Variants in ADAM20 observed in about 807,000 individuals in gnomAD.
ADAM20 encodes the protein ADAM metallopeptidase domain 20, also known as disintegrin and metalloproteinase domain-containing protein 20.
For synonymous variants in ADAM20, 305 were observed against 310.2 expected (o/e 0.98, Z 0.18); for missense variants, 871 against 883.2 (o/e 0.99, Z 0.18).
At chr14:70,563,257 G>C in the ADAM20 span, among the ~76,000 whole-genome samples, 1 of 152,000 alleles carries the variant, frequency 6.6e-6, no homozygotes, top group Non-Finnish European at 1.5e-5. Context: ...CTCACGACTG[G>C]AGTACACAGA....
the ADAM20 span, among the ~76,000 whole-genome samples, chr14:70,574,342 T>A: frequency 5.3e-5 from 8 of 152,208 alleles, no homozygotes; most frequent in African/African-American, 1.9e-4. Context: ...TATAGCAATA[T>A]ATGCTACATT....
rs1372155455 is a variant in ADAM20, at chr14:70,523,540, T to C, written c.1218A>G (p.Arg406=). 9 of 1,613,978 alleles carry C rather than the reference T, an allele frequency of 5.6e-6. No individual in the cohort carries two copies. The East Asian group carries it at 2.0e-4, about 36-fold the overall frequency. The change falls in exon 2 of 2, where the codon AGA becomes AGG. Residue 406 remains arginine, a synonymous_variant. Coordinates refer to ENST00000256389, the MANE Select transcript of ADAM20 (RefSeq NM_003814.5). ...CCACTAGATTCCCACAGTACTTCAG[T>C]CTAAATATATTCCCTGGATATGGAG... ...QPPPYPGNIF[R]LKYCGNLVVE...
the ADAM20 span, among the ~76,000 whole-genome samples, chr14:70,559,278 G>GA: frequency 1.6e-3 from 214 of 133,220 alleles, 1 homozygote; most frequent in East Asian, 0.02. Flanking sequence ...AAGTTGCCTA[G>GA]AAAAAAAAAA....
At chr14:70,555,368 A>G in the ADAM20 span, among the ~76,000 whole-genome samples, 1 of 152,234 alleles carries the variant, frequency 6.6e-6, no homozygotes, top group African/African-American at 2.4e-5. Context: ...TGTATATCAA[A>G]TCATCAAGTT....
intron 1 of ADAM20, among the ~76,000 whole-genome samples, chr14:70,533,581 C>T (rs1203298113): frequency 6.6e-6 from 1 of 152,018 alleles, no homozygotes; most frequent in Non-Finnish European, 1.5e-5. Context: ...AGAAGAACAT[C>T]ACACACCAAT....
At chr14:70,571,639 A>C in the ADAM20 span, among the ~76,000 whole-genome samples, 1 of 152,244 alleles carries the variant, frequency 6.6e-6, no homozygotes, top group South Asian at 2.1e-4. Context: ...TAGCTGGAGC[A>C]ATCAGACAAG....
chr14:70,542,961 G>C, the ADAM20 span, among the ~76,000 whole-genome samples: 1 of 151,490 alleles, frequency 6.6e-6, no homozygotes, highest in Non-Finnish European at 1.5e-5. Context: ...AGAGGCCTAT[G>C]TAACAAATAA....
chr14:70,553,175 GGGA>G, the ADAM20 span, among the ~76,000 whole-genome samples: 1 of 57,356 alleles, frequency 1.7e-5, no homozygotes, highest in Admixed American at 2.1e-4. Flanking sequence ...CGGGGGAGGG[GGGA>G]GGGATAGCAT....
intron 1 of ADAM20, among the ~76,000 whole-genome samples, chr14:70,534,436 T>C (rs1883787293): frequency 6.6e-6 from 1 of 151,822 alleles, no homozygotes; most frequent in Non-Finnish European, 1.5e-5. Flanking sequence ...TTATTTACAA[T>C]AACCAAAAGG....
the ADAM20 span, among the ~76,000 whole-genome samples, chr14:70,563,585 G>T: frequency 1.1e-4 from 16 of 152,298 alleles, no homozygotes; most frequent in Non-Finnish European, 1.6e-4. Context: ...AATCCCCAGC[G>T]TTGGAGGTGG....
At chr14:70,540,950 G>A in the ADAM20 span, among the ~76,000 whole-genome samples, 12 of 152,042 alleles carry the variant, frequency 7.9e-5, no homozygotes, top group South Asian at 6.2e-4. Flanking sequence ...ATGCCACCAC[G>A]CCCAGCTAAT....
chr14:70,554,713 C>T, the ADAM20 span, among the ~76,000 whole-genome samples: 1 of 152,192 alleles, frequency 6.6e-6, no homozygotes, highest in East Asian at 1.9e-4. Context: ...CTCACAGAAG[C>T]AGAGAATAGA....
upstream of ADAM20, among the ~76,000 whole-genome samples, chr14:70,537,214 G>A (rs573455751): frequency 3.3e-4 from 50 of 152,226 alleles, no homozygotes; most frequent in Non-Finnish European, 6.3e-4. Context: ...CAATTTGCAT[G>A]AGGAGGACAA....
the ADAM20 span, among the ~76,000 whole-genome samples, chr14:70,577,035 T>A: frequency 5.9e-5 from 9 of 152,140 alleles, no homozygotes; most frequent in African/African-American, 2.2e-4. Context: ...AGAACAAGCA[T>A]TCAAACACAT....
Position 70,523,758 on chromosome 14 carries a change from C to T in ADAM20, c.1000G>A (p.Val334Ile). The change falls in exon 2 of 2, where the codon GTC becomes ATC. Residue 334 changes from valine to isoleucine, a missense_variant. Transcript: ENST00000256389. ...TGGCCCAAAGTAATTGCAAAAACGACCAACCTGTTGTCTTCAAAAACATCA... is the reference window on the plus strand; with the variant it reads ...TGGCCCAAAGTAATTGCAAAAACGATCAACCTGTTGTCTTCAAAAACATCA... Reference protein sequence around the residue: ...GVDVFEDNRLVVFAITLGHEL... With the variant: ...GVDVFEDNRLIVFAITLGHEL... 6.2e-7 allele frequency: 1 copy of T among 1,614,014 alleles called. No individual in the cohort carries two copies. The highest frequency in any genetic ancestry group is 8.5e-7 in the Non-Finnish European group (1 of 1,179,964).
chr14:70,578,658 T>C, the ADAM20 span, among the ~76,000 whole-genome samples: 3 of 151,996 alleles, frequency 2.0e-5, no homozygotes, highest in Non-Finnish European at 4.4e-5. Context: ...ATAAAACAAA[T>C]AACATTAAAA....
At position 70,533,218 on chromosome 14, in the gene ADAM20, T is replaced by C. The variant is rs147403952; in HGVS notation, c.-177+1579A>G. On this transcript the variant is annotated intron_variant, in intron 1 of 1. Coordinates refer to ENST00000256389, the MANE Select transcript of ADAM20 (RefSeq NM_003814.5). ...AATTCCTCAAGGATCTAGAACCAGATATACCATTTAACCCAGCAATCCCAT... is the reference window on the plus strand; with the variant it reads ...AATTCCTCAAGGATCTAGAACCAGACATACCATTTAACCCAGCAATCCCAT... Among the ~76,000 whole-genome samples, 26 of 152,234 alleles carry C rather than the reference T, an allele frequency of 1.7e-4. No homozygotes were observed. The East Asian group carries it at 4.6e-3, about 27-fold the overall frequency.
the ADAM20 span, chr14:70,556,613 G>C: frequency 1.3e-5 from 2 of 152,246 alleles, no homozygotes; most frequent in African/African-American, 2.4e-5. Flanking sequence ...TAACAAAAGA[G>C]GAAATACAGT....
Position 70,524,838 on chromosome 14 carries a change from C to G in ADAM20, c.-81G>C. ...GGCACTGCTGGTCTGGCTCCTCCCTCTGAGCTGTTCAGGGTGCATGGCTGA... is the reference window on the plus strand; with the variant it reads ...GGCACTGCTGGTCTGGCTCCTCCCTGTGAGCTGTTCAGGGTGCATGGCTGA... On this transcript the variant is annotated 5_prime_UTR_variant, in exon 2 of 2. Coordinates refer to ENST00000256389, the MANE Select transcript of ADAM20 (RefSeq NM_003814.5). 1 of 1,613,252 alleles carries G rather than the reference C, an allele frequency of 6.2e-7. No homozygotes were observed. The highest frequency in any genetic ancestry group is 8.5e-7 in the Non-Finnish European group (1 of 1,179,920).
Sources: allele counts gnomAD v4.1 joint callset (sites outside exome capture counted in the v4.1 genomes callset), GRCh38; gene constraint gnomAD v4.1.1; transcripts MANE v1.5; gene names NCBI Gene and HGNC (gene_info 2026-07-23, HGNC 2026-07-21).